DHX8: variants seen among roughly 807,000 people sequenced by gnomAD.
The protein encoded by DHX8 is DEAH-box helicase 8.
DHX8 carries 67 observed loss-of-function variants against 140.7 expected under a neutral mutation model. The observed-to-expected ratio is 0.48, with a 90% CI of 0.39 to 0.58. The LOEUF (loss-of-function observed/expected upper bound fraction) is 0.58, where lower values mean the gene tolerates loss of function less well. Ranked by LOEUF, DHX8 falls within the 20% of genes least tolerant of loss-of-function variation. DHX8 has a pLI of 0.00. For missense variants in DHX8, 887 were observed against 1,550.7 expected, an observed-to-expected ratio of 0.57 and a Z score of 7.19; for synonymous variants, 533 against 553.2, an observed-to-expected ratio of 0.96 and a Z score of 0.51.
intron 1 of DHX8, among the ~76,000 whole-genome samples, chr17:43,486,653 G>A (rs768169712): frequency 8.6e-5 from 13 of 151,886 alleles, no homozygotes; most frequent in Non-Finnish European, 1.9e-4. Context: ...GGCCAAGGCG[G>A]GTGGATCACG....
chr17:43,518,086 T>C (rs926583846), intron 18 of DHX8: 9 of 152,244 alleles, frequency 5.9e-5, no homozygotes, highest in African/African-American at 2.2e-4. Flanking sequence ...CTTTGCCCTC[T>C]GCTCTGTGTT....
rs755166621 is a variant in DHX8 at position 43,520,703 on chromosome 17, A to G, written c.2938-48A>G. ...CAAGGTCTTGCTCTGGTGAATCCAA[A>G]TGTGTCTTCCACAGGGAAGCAGTTG... On this transcript the variant is annotated intron_variant, in intron 19 of 22. Coordinates refer to ENST00000262415, the MANE Select transcript of DHX8 (RefSeq NM_004941.3). 3.1e-6 allele frequency: 5 copies of G among 1,612,306 alleles called. No individual in the cohort carries two copies. The African/African-American group carries it at 6.7e-5, about 22-fold the overall frequency.
At chr17:43,521,660 C>A in intron 21 of DHX8, 95 bp downstream of exon 21, 1 of 1,219,548 alleles carries the variant, frequency 8.2e-7, no homozygotes, top group Non-Finnish European at 1.2e-6. Context: ...GCTATAGGCA[C>A]CTTTTCTCTT....
intron 11 of DHX8, among the ~76,000 whole-genome samples, chr17:43,502,798 G>C (rs1343403721): frequency 6.6e-6 from 1 of 152,096 alleles, no homozygotes; most frequent in African/African-American, 2.4e-5. Flanking sequence ...ACAGTAGAAG[G>C]TTGGACATAT....
At position 43,524,038 on chromosome 17, in the gene DHX8, C is replaced by G. The variant is rs2154586942; in HGVS notation, c.*191C>G. On this transcript the variant is annotated 3_prime_UTR_variant, in exon 23 of 23. Transcript: ENST00000262415. ...ATTTAAACCTGGCTTTGGCAAGAGC[C>G]TGCAGCCTCCATCACCCCAAGTCCT... 4 of 1,423,750 alleles carry G rather than the reference C, an allele frequency of 2.8e-6. No homozygotes were observed. In the East Asian group the frequency reaches 7.7e-5, roughly 27 times the overall value. 88.2% of individuals were successfully genotyped at this position (1,423,750 alleles called of 1,614,324 possible). A position where few individuals can be genotyped will look rare whatever the true frequency, so the allele number is the denominator to read the frequency against.
chr17:43,488,479 T>G (rs1280762288), intron 1 of DHX8, among the ~76,000 whole-genome samples: 1 of 148,106 alleles, frequency 6.8e-6, no homozygotes. Context: ...GGCGTGGTGG[T>G]GGGCGCCTGT....
intron 3 of DHX8, among the ~76,000 whole-genome samples, chr17:43,536,747 G>A (rs966133230): frequency 1.3e-5 from 2 of 152,262 alleles, no homozygotes; most frequent in Admixed American, 1.3e-4. Flanking sequence ...GGCCTGGGCC[G>A]CATTCAAAGC....
In DHX8 at chr17:43,489,465, T is replaced by C. The variant is rs1280854351; in HGVS notation, c.165T>C (p.Ser55=). 1.2e-6 allele frequency: 2 copies of C among 1,612,146 alleles called. No homozygotes were observed. The highest frequency in any genetic ancestry group is 1.7e-5 in the Admixed American group (1 of 59,892). The change falls in exon 2 of 23, where the codon AGT becomes AGC. Residue 55 remains serine, a synonymous_variant. Coordinates refer to ENST00000262415, the MANE Select transcript of DHX8 (RefSeq NM_004941.3). ...NDKDLAEFVI[S]LAEKNTTFDT... is the part of the protein sequence containing the mutation. ...TATTTGCAGCTGAATTTGTGATCAGTCTTGCTGAGAAAAATACCACCTTTG... is the reference window on the plus strand; with the variant it reads ...TATTTGCAGCTGAATTTGTGATCAGCCTTGCTGAGAAAAATACCACCTTTG...
At chr17:43,490,567 T>C in intron 3 of DHX8, 104 bp downstream of exon 3, 1 of 973,794 alleles carries the variant, frequency 1.0e-6, no homozygotes, top group Non-Finnish European at 1.5e-6. Context: ...AGCAAGTAAA[T>C]GTTCCAGTAA....
At chr17:43,535,956 C>G (rs931513564) in intron 2 of DHX8, among the ~76,000 whole-genome samples, 1 of 152,128 alleles carries the variant, frequency 6.6e-6, no homozygotes, top group African/African-American at 2.4e-5. Flanking sequence ...ACTAAAAATA[C>G]AAAAATTAGC....
rs948238333 is a variant in DHX8 at position 43,514,321 on chromosome 17, G to T, written c.2643+819G>T. Among the ~76,000 whole-genome samples, 3 of 152,134 alleles carry T rather than the reference G, an allele frequency of 2.0e-5. No individual in the cohort carries two copies. The Middle Eastern group carries it at 0.01, about 517-fold the overall frequency. On this transcript the variant is annotated intron_variant, in intron 17 of 22. Transcript: ENST00000262415. Reference sequence around the variant, plus strand: ...GATAGCATCACTGCACTCTAGCTGGGGCAACAGAGCAGACTGTGTCTCTAA... The same window carrying T: ...GATAGCATCACTGCACTCTAGCTGGTGCAACAGAGCAGACTGTGTCTCTAA...
intron 2 of DHX8, chr17:43,533,921 G>A (rs752824723): frequency 2.3e-5 from 36 of 1,586,114 alleles, no homozygotes; most frequent in Non-Finnish European, 3.1e-5. Context: ...TGCAGGACAG[G>A]GCCGGGTCTG....
chr17:43,508,234 A>C, intron 15 of DHX8, 105 bp from the exon 16 acceptor site: 2 of 1,423,926 alleles, frequency 1.4e-6, no homozygotes, highest in Non-Finnish European at 1.9e-6. Context: ...CAGAATATGA[A>C]TGCATATGTT....
chr17:43,543,953 A>G (rs1971661233), intron 3 of DHX8: 1 of 152,160 alleles, frequency 6.6e-6, no homozygotes, highest in East Asian at 1.9e-4. Flanking sequence ...GTTCCAGGGT[A>G]GTTGGATTTG....
chr17:43,536,454 C>A, exon 3 of DHX8: 2 of 1,614,270 alleles, frequency 1.2e-6, no homozygotes, highest in Non-Finnish European at 1.7e-6. Context: ...CAGGAACAAA[C>A]TGCTCATCAC....
intron 22 of DHX8, 89 bp downstream of exon 22, chr17:43,522,315 A>G: frequency 7.5e-7 from 1 of 1,330,704 alleles, no homozygotes; most frequent in Non-Finnish European, 1.0e-6. Flanking sequence ...TGTCTTCACT[A>G]CTCCCAGTAT....
At chr17:43,526,123 C>G (rs962264693), downstream of DHX8, 2 of 985,150 alleles carry the variant, frequency 2.0e-6, no homozygotes, top group Non-Finnish European at 2.4e-6. Context: ...TGAGCCTGCT[C>G]TGAGGGAGAA....
chr17:43,485,208 G>T (rs562638842), intron 1 of DHX8, among the ~76,000 whole-genome samples: 14 of 152,166 alleles, frequency 9.2e-5, no homozygotes, highest in Non-Finnish European at 1.6e-4. Context: ...TTGGTGGTGG[G>T]AAGATGAGTG....
chr17:43,529,284 A>C, downstream of DHX8: 4 of 1,581,154 alleles, frequency 2.5e-6, no homozygotes, highest in Non-Finnish European at 3.5e-6. Flanking sequence ...TGGCAGAGGA[A>C]AAAATGGGGG....
Sources: gnomAD v4.1 joint callset for allele counts (sites outside exome capture counted in the v4.1 genomes callset) on GRCh38, gnomAD v4.1.1 for gene constraint, MANE v1.5 for transcripts, NCBI Gene and HGNC (gene_info 2026-07-23, HGNC 2026-07-21) for gene names.